CCDC13: variants seen among roughly 807,000 people sequenced by gnomAD.
CCDC13 encodes the protein coiled-coil domain-containing protein 13.
Under a neutral mutation model 87.3 loss-of-function variants are expected in CCDC13, and 70 were observed. That is an observed-to-expected ratio of 0.80 (90% CI 0.66 to 0.98). The LOEUF (loss-of-function observed/expected upper bound fraction) is 0.98, where lower values mean the gene tolerates loss of function less well. Among genes scored for constraint, CCDC13 ranks in the 50% least tolerant of loss-of-function variants. The probability of loss-of-function intolerance (pLI) is 0.00; values close to 1 mark genes in which losing one functional copy is unlikely to be tolerated. For synonymous variants in CCDC13, 317 were observed against 360.3 expected, an observed-to-expected ratio of 0.88 and a Z score of 1.36; for missense variants, 842 against 892.0, an observed-to-expected ratio of 0.94 and a Z score of 0.71.
At chr3:42,715,306 T>C (rs1412156932) in intron 13 of CCDC13, among the ~76,000 whole-genome samples, 2 of 75,820 alleles carry the variant, frequency 2.6e-5, no homozygotes, top group African/African-American at 9.8e-5. Context: ...CGAAACTCTG[T>C]CTCAAAAAAA....
intron 6 of CCDC13, 197 bp from the exon 7 acceptor site, chr3:42,746,224 C>A (rs1559653612): frequency 1.8e-6 from 1 of 556,936 alleles, no homozygotes; most frequent in Admixed American, 3.0e-5. Context: ...AACCCATCAT[C>A]CCTGGCATTT....
intron 15 of CCDC13, 146 bp from the exon 16 acceptor site, chr3:42,709,285 C>G: frequency 1.3e-6 from 1 of 783,782 alleles, no homozygotes; most frequent in East Asian, 2.8e-5. Context: ...CTCACTGACT[C>G]TTGTGGGTAC....
chr3:42,752,333 G>C (rs1215020927), intron 4 of CCDC13, among the ~76,000 whole-genome samples: 2 of 152,082 alleles, frequency 1.3e-5, no homozygotes, highest in African/African-American at 4.8e-5. Context: ...AGGAGGCGGG[G>C]CAAAAAAGAA....
intron 14 of CCDC13, among the ~76,000 whole-genome samples, chr3:42,712,014 C>A (rs1285748174): frequency 6.6e-6 from 1 of 152,164 alleles, no homozygotes; most frequent in Non-Finnish European, 1.5e-5. Flanking sequence ...CAAGGCTAAG[C>A]CCCAGAGACC....
intron 13 of CCDC13, among the ~76,000 whole-genome samples, chr3:42,722,155 C>T (rs1409741635): frequency 4.6e-5 from 7 of 152,168 alleles, no homozygotes; most frequent in African/African-American, 1.2e-4. Context: ...CCAGATATCA[C>T]CTTTTGTTGG....
chr3:42,740,356 A>C (rs962218067), intron 8 of CCDC13, among the ~76,000 whole-genome samples: 1 of 152,022 alleles, frequency 6.6e-6, no homozygotes, highest in Non-Finnish European at 1.5e-5. Flanking sequence ...CATGCAGCAC[A>C]CATCTTCGGA....
At position 42,709,076 on chromosome 3, in the gene CCDC13, T is replaced by A. The variant is rs779073345; in HGVS notation, c.2052A>T (p.Gly684=). 7 of 1,613,884 alleles carry A rather than the reference T, an allele frequency of 4.3e-6. No individual in the cohort carries two copies. In the East Asian group the frequency reaches 1.6e-4, roughly 36 times the overall value. ...GGTACATCCGGAAGTCCTCCTCCTT[T>A]CCCCGCAGGGCACTGCCCAGGGCAG... is the stretch of plus-strand genomic sequence containing the variant. ...LKAALGSALR[G]KEEDFRMYHE... is the part of the protein sequence containing the mutation. Residue 684 remains glycine (G), a synonymous_variant, in exon 16 of 16, where the codon GGA becomes GGT. Coordinates refer to ENST00000310232, the MANE Select transcript of CCDC13 (RefSeq NM_144719.4).
chr3:42,754,618 A>C (rs1376802954), intron 3 of CCDC13, among the ~76,000 whole-genome samples: 9 of 152,228 alleles, frequency 5.9e-5, no homozygotes, highest in African/African-American at 2.2e-4. Context: ...TGTGTGAAGC[A>C]GCTACCTGAG....
intron 7 of CCDC13, 66 bp downstream of exon 7, chr3:42,745,857 G>T: frequency 7.6e-7 from 1 of 1,312,486 alleles, no homozygotes; most frequent in Non-Finnish European, 1.1e-6. Flanking sequence ...AGGGGGTCAG[G>T]GCAGCTCTTT....
chr3:42,715,326 T>A (rs892159262), intron 13 of CCDC13, among the ~76,000 whole-genome samples: 14 of 126,072 alleles, frequency 1.1e-4, no homozygotes, highest in Non-Finnish European at 1.4e-4. Flanking sequence ...AAAAAAAAAA[T>A]TAAATTTCAG....
At chr3:42,747,201 C>T (rs754718439) in intron 6 of CCDC13, 56 bp downstream of exon 6, 1 of 1,346,486 alleles carries the variant, frequency 7.4e-7, no homozygotes, top group Non-Finnish European at 1.1e-6. Context: ...CAGCCGTGCT[C>T]TTCCCAAGTC....
chr3:42,713,189 G>A lies in CCDC13; in HGVS notation c.1846C>T (p.Gln616Ter). Residue 616 changes from glutamine (Q) to a stop codon, truncating the protein, a stop_gained, in exon 14 of 16, where the codon CAG (glutamine) becomes TAG (stop). Transcript: ENST00000310232. LOFTEE classifies it high-confidence loss of function. ...RLEPGKASASQRAAPRTKTGL... is the reference protein window; with the variant it reads ...RLEPGKASAS The stretch of plus-strand genomic sequence containing the variant: ...GTTTTGGTCCTGGGAGCTGCTCTCT[G>A]GGAGGCTGATGCCTTCCCTGGCTCC... The A allele has an allele frequency of 6.2e-7, 1 of 1,614,144 alleles. No homozygotes were observed.
Position 42,739,648 on chromosome 3 carries a change from T to A in CCDC13, c.1150A>T (p.Ile384Phe), listed in dbSNP as rs1335471880. 6.2e-7 allele frequency: 1 copy of A among 1,614,002 alleles called. No individual in the cohort carries two copies. Among genetic ancestry groups the A allele is most frequent in the South Asian group, 1.1e-5 (1 of 91,072 alleles). Residue 384 changes from isoleucine to phenylalanine, a missense_variant, in exon 9 of 16, where the codon ATC becomes TTC. By Grantham distance (21) the Ile-to-Phe change is conservative. Transcript: ENST00000310232. ...TGGGGCCATACCATGAGGGCGTCGA[T>A]GAGCTCGTCATCATGCCGGCCCTTC... ...VEKGRHDDEL[I>F]DALMDQLKQL... is the part of the protein sequence containing the mutation.
At chr3:42,753,952 C>T (rs1415982544) in intron 3 of CCDC13, among the ~76,000 whole-genome samples, 3 of 152,118 alleles carry the variant, frequency 2.0e-5, no homozygotes, top group African/African-American at 7.2e-5. Flanking sequence ...GGAAGGCAGG[C>T]ACCGGGAGCT....
chr3:42,718,313 A>C (rs1404363357), intron 13 of CCDC13, among the ~76,000 whole-genome samples: 1 of 152,210 alleles, frequency 6.6e-6, no homozygotes, highest in Non-Finnish European at 1.5e-5. Context: ...GACAGTTTAC[A>C]GATGCCACGG....
chr3:42,753,626 G>A (rs1426097702), intron 3 of CCDC13, among the ~76,000 whole-genome samples: 3 of 152,160 alleles, frequency 2.0e-5, no homozygotes, highest in Non-Finnish European at 4.4e-5. Context: ...TGGGCAAGGG[G>A]GTAAGAACGA....
chr3:42,746,877 T>C (rs1699411058), intron 6 of CCDC13: 2 of 339,876 alleles, frequency 5.9e-6, no homozygotes, highest in Non-Finnish European at 5.6e-6. Flanking sequence ...GTTGGCAGGC[T>C]TTCAAGTTAA....
intron 1 of CCDC13, among the ~76,000 whole-genome samples, chr3:42,764,048 T>C (rs1392126071): frequency 6.6e-6 from 1 of 152,182 alleles, no homozygotes; most frequent in African/African-American, 2.4e-5. Context: ...ATTTTTCTGA[T>C]TGGTAATTGG....
chr3:42,719,912 C>T (rs1436197507), intron 13 of CCDC13, among the ~76,000 whole-genome samples: 1 of 152,046 alleles, frequency 6.6e-6, no homozygotes, highest in African/African-American at 2.4e-5. Context: ...AAATAAAAAG[C>T]ATAATGTCTT....
Sources: gnomAD v4.1 joint callset for allele counts (sites outside exome capture counted in the v4.1 genomes callset) on GRCh38, gnomAD v4.1.1 for gene constraint, MANE v1.5 for transcripts, NCBI Gene and HGNC (gene_info 2026-07-23, HGNC 2026-07-21) for gene names.